CCDC73: variants seen among roughly 807,000 people sequenced by gnomAD.
CCDC73 encodes the protein coiled-coil domain-containing protein 73.
A neutral mutation model predicts 116.5 loss-of-function variants in CCDC73; 95 were observed. That is an observed-to-expected ratio of 0.82 (90% CI 0.69 to 0.97). CCDC73 has a LOEUF of 0.97. Among genes scored for constraint, CCDC73 ranks in the 50% least tolerant of loss-of-function variants. CCDC73 has a pLI of 0.00. For synonymous variants in CCDC73, 398 were observed against 401.3 expected (o/e 0.99, Z 0.10); for missense variants, 1,066 against 1,206.8 (o/e 0.88, Z 1.73).
At chr11:32,747,370 G>A (rs7952286) in intron 2 of CCDC73, among the ~76,000 whole-genome samples, 2 of 152,134 alleles carry the variant, frequency 1.3e-5, no homozygotes, top group Non-Finnish European at 2.9e-5. Context: ...AGATCTCCCA[G>A]TCAGGCTAAA....
intron 2 of CCDC73, among the ~76,000 whole-genome samples, chr11:32,745,100 T>C (rs1242379237): frequency 6.6e-6 from 1 of 152,256 alleles, no homozygotes; most frequent in Non-Finnish European, 1.5e-5. Context: ...CTCTGGTACA[T>C]TGCGTCTTTG....
chr11:32,786,010 G>A (rs1850623757), intron 1 of CCDC73, among the ~76,000 whole-genome samples: 1 of 152,102 alleles, frequency 6.6e-6, no homozygotes, highest in African/African-American at 2.4e-5. Context: ...ATGCTTATAT[G>A]TATAAAACAT....
intron 17 of CCDC73, among the ~76,000 whole-genome samples, chr11:32,607,324 C>T (rs575370137): frequency 1.3e-5 from 2 of 151,282 alleles, no homozygotes; most frequent in South Asian, 4.2e-4. Context: ...GATCTCCTGA[C>T]CTCGTGATCC....
intron 1 of CCDC73, among the ~76,000 whole-genome samples, chr11:32,791,901 G>A (rs1319637639): frequency 6.6e-6 from 1 of 151,880 alleles, no homozygotes; most frequent in Non-Finnish European, 1.5e-5. Flanking sequence ...GGAGGTGGAG[G>A]CTGCAGTGAG....
chr11:32,792,505 G>A (rs1254461811), intron 1 of CCDC73, among the ~76,000 whole-genome samples: 1 of 152,158 alleles, frequency 6.6e-6, no homozygotes, highest in Non-Finnish European at 1.5e-5. Context: ...AATTCCAAGA[G>A]TATTTTTGGC....
intron 2 of CCDC73, among the ~76,000 whole-genome samples, chr11:32,750,483 C>G (rs1285294187): frequency 6.6e-6 from 1 of 152,110 alleles, no homozygotes; most frequent in Non-Finnish European, 1.5e-5. Context: ...GAGCCAGGGC[C>G]CAGAGTCAAA....
intron 6 of CCDC73, among the ~76,000 whole-genome samples, chr11:32,686,829 A>G (rs1856206408): frequency 2.0e-5 from 3 of 152,182 alleles, no homozygotes; most frequent in Admixed American, 1.3e-4. Flanking sequence ...ATTGACATGT[A>G]GTGTTTTTAT....
intron 2 of CCDC73, among the ~76,000 whole-genome samples, chr11:32,722,729 G>T (rs1003998846): frequency 3.3e-5 from 5 of 152,156 alleles, no homozygotes; most frequent in African/African-American, 4.8e-5. Flanking sequence ...ATGTAGGTCT[G>T]GTTCTCTTTT....
At chr11:32,789,463 GA>G (rs1850656848) in intron 1 of CCDC73, among the ~76,000 whole-genome samples, 1 of 152,096 alleles carries the variant, frequency 6.6e-6, no homozygotes. Flanking sequence ...AAAACGTAGT[GA>G]TTTTTTTAAA....
chr11:32,666,908 G>T (rs977795959), intron 9 of CCDC73, among the ~76,000 whole-genome samples: 9 of 152,184 alleles, frequency 5.9e-5, no homozygotes, highest in Admixed American at 3.9e-4. Flanking sequence ...GTCTGTTGGA[G>T]TTTGCTGGAG....
chr11:32,628,161 G>A (rs1028356422), intron 14 of CCDC73, among the ~76,000 whole-genome samples: 1 of 152,060 alleles, frequency 6.6e-6, no homozygotes, highest in African/African-American at 2.4e-5. Context: ...TTTAGACAAT[G>A]AACTACAAAC....
chr11:32,726,089 C>A (rs1590615145), intron 2 of CCDC73, among the ~76,000 whole-genome samples: 2 of 152,134 alleles, frequency 1.3e-5, no homozygotes, highest in South Asian at 4.1e-4. Flanking sequence ...AAAAGTAAAT[C>A]TCTCTAAAGA....
chr11:32,765,923 T>C (rs982625393), intron 1 of CCDC73, among the ~76,000 whole-genome samples: 6 of 152,200 alleles, frequency 3.9e-5, no homozygotes, highest in African/African-American at 1.4e-4. Flanking sequence ...TTCCAATCAA[T>C]AGAAAGAGAG....
the CCDC73 span, among the ~76,000 whole-genome samples, chr11:32,809,174 GA>G: frequency 6.6e-6 from 1 of 152,200 alleles, no homozygotes; most frequent in Non-Finnish European, 1.5e-5. Context: ...ACAATTTAGG[GA>G]TAAAATATGA....
chr11:32,731,914 A>C (rs994619353), intron 2 of CCDC73, among the ~76,000 whole-genome samples: 1 of 152,236 alleles, frequency 6.6e-6, no homozygotes, highest in Admixed American at 6.5e-5. Flanking sequence ...ACGGAGAATG[A>C]CTTTGACAAG....
chr11:32,801,362 G>A, the CCDC73 span, among the ~76,000 whole-genome samples: 1 of 152,166 alleles, frequency 6.6e-6, no homozygotes. Context: ...ATCCTAACTG[G>A]CTGGGCGCAG....
At chr11:32,717,825 G>T (rs1011387182) in intron 3 of CCDC73, among the ~76,000 whole-genome samples, 2 of 152,158 alleles carry the variant, frequency 1.3e-5, no homozygotes, top group African/African-American at 2.4e-5. Context: ...TTACAATCAT[G>T]ATGGAAGGCG....
At chr11:32,759,845 A>G (rs894322850) in intron 2 of CCDC73, among the ~76,000 whole-genome samples, 1 of 152,206 alleles carries the variant, frequency 6.6e-6, no homozygotes, top group Non-Finnish European at 1.5e-5. Context: ...GTGCACTCCC[A>G]GGGACTCAAT....
intron 14 of CCDC73, among the ~76,000 whole-genome samples, chr11:32,631,160 A>G (rs1855627632): frequency 6.6e-6 from 1 of 152,226 alleles, no homozygotes; most frequent in Non-Finnish European, 1.5e-5. Context: ...TTCTCCCACT[A>G]ATTGATAGAA....
Sources: allele counts gnomAD v4.1 joint callset (sites outside exome capture counted in the v4.1 genomes callset), GRCh38; gene constraint gnomAD v4.1.1; transcripts MANE v1.5; gene names NCBI Gene and HGNC (gene_info 2026-07-23, HGNC 2026-07-21).